The following KCNIP4 variants were observed in gnomAD, a reference collection of about 807,000 sequenced individuals.
The protein encoded by KCNIP4 is potassium voltage-gated channel interacting protein 4.
KCNIP4 carries 12 observed loss-of-function variants against 34.0 expected under a neutral mutation model. The ratio of observed to expected loss-of-function variants is 0.35; its 90% CI spans 0.23 to 0.57. The LOEUF (loss-of-function observed/expected upper bound fraction) is 0.57. Ranked by LOEUF, KCNIP4 falls within the 20% of genes least tolerant of loss-of-function variation. The pLI, the probability that KCNIP4 is intolerant of heterozygous loss-of-function variation, is 0.83. For synonymous variants in KCNIP4, 124 were observed against 102.2 expected, an observed-to-expected ratio of 1.21 and a Z score of -1.29; for missense variants, 238 against 311.7, an observed-to-expected ratio of 0.76 and a Z score of 1.78.
At chr4:21,603,380 AAAG>A (rs1322611872) in intron 1 of KCNIP4, among the ~76,000 whole-genome samples, 1 of 152,126 alleles carries the variant, frequency 6.6e-6, no homozygotes, top group Non-Finnish European at 1.5e-5. Context: ...GGAAGAGGAG[AAAG>A]AAGAAAGAAA....
At chr4:21,424,946 C>A (rs369230843) in intron 1 of KCNIP4, among the ~76,000 whole-genome samples, 34 of 152,240 alleles carry the variant, frequency 2.2e-4, no homozygotes, top group African/African-American at 8.2e-4. Flanking sequence ...TTCAATGATT[C>A]TTCATAAATT....
At chr4:20,914,642 T>A (rs1254480609) in intron 1 of KCNIP4, among the ~76,000 whole-genome samples, 3 of 152,232 alleles carry the variant, frequency 2.0e-5, no homozygotes, top group African/African-American at 7.2e-5. Context: ...TGTCTATCAC[T>A]ATAGGCACTT....
chr4:20,803,334 G>T (rs961392719), intron 3 of KCNIP4, among the ~76,000 whole-genome samples: 17 of 151,406 alleles, frequency 1.1e-4, no homozygotes, highest in Non-Finnish European at 2.5e-4. Context: ...AAATAGCCAC[G>T]TGCAGTGGCT....
chr4:21,300,714 A>G (rs1711574557), intron 1 of KCNIP4, among the ~76,000 whole-genome samples: 1 of 152,108 alleles, frequency 6.6e-6, no homozygotes, highest in African/African-American at 2.4e-5. Flanking sequence ...AGGTATGATG[A>G]ATTATCCTAC....
chr4:21,096,057 A>G (rs957407279), intron 1 of KCNIP4, among the ~76,000 whole-genome samples: 6 of 152,302 alleles, frequency 3.9e-5, no homozygotes, highest in Admixed American at 3.3e-4. Flanking sequence ...ACTAAAACCC[A>G]CAAACTATCT....
intron 1 of KCNIP4, among the ~76,000 whole-genome samples, chr4:21,939,208 C>A (rs1730057313): frequency 6.6e-6 from 1 of 152,126 alleles, no homozygotes; most frequent in South Asian, 2.1e-4. Flanking sequence ...ACTGTTTATT[C>A]TGAGAGGTGA....
chr4:21,537,751 C>T (rs192776626), intron 1 of KCNIP4, among the ~76,000 whole-genome samples: 22 of 152,128 alleles, frequency 1.4e-4, no homozygotes, highest in South Asian at 2.1e-4. Context: ...CAGTAGCTCA[C>T]GCCTGTAATC....
At chr4:20,996,790 G>T (rs1198999566) in intron 1 of KCNIP4, among the ~76,000 whole-genome samples, 7 of 151,800 alleles carry the variant, frequency 4.6e-5, no homozygotes, top group Admixed American at 2.6e-4. Context: ...CTCTTAGCAC[G>T]TTCATTTCCT....
At chr4:21,504,748 C>A (rs570964725) in intron 1 of KCNIP4, among the ~76,000 whole-genome samples, 1 of 152,150 alleles carries the variant, frequency 6.6e-6, no homozygotes, top group South Asian at 2.1e-4. Flanking sequence ...ATTTTAGATA[C>A]AAATTGATGT....
At chr4:21,313,185 A>T (rs1371107553) in intron 1 of KCNIP4, among the ~76,000 whole-genome samples, 3 of 152,204 alleles carry the variant, frequency 2.0e-5, no homozygotes, top group African/African-American at 7.2e-5. Context: ...TATTTATGTG[A>T]TCATTAAACC....
chr4:21,748,479 C>T lies in KCNIP4; in HGVS notation c.61+200092G>A, dbSNP rs140757963. On this transcript the variant is annotated intron_variant, in intron 1 of 8. Coordinates refer to ENST00000382152, the MANE Select transcript of KCNIP4 (RefSeq NM_025221.6). ...TAAATGCCAATTTTGCACTAAATATCTATTTAGGAAATATGAAAACAGACC... is the reference window on the plus strand; with the variant it reads ...TAAATGCCAATTTTGCACTAAATATTTATTTAGGAAATATGAAAACAGACC... 1.2e-3 allele frequency among the ~76,000 whole-genome samples: 189 copies of T among 152,240 alleles called. 1 individual carries two copies. The highest frequency in any genetic ancestry group is 4.3e-3 in the African/African-American group (179 of 41,544).
At chr4:20,755,226 A>G (rs1188527470) in intron 4 of KCNIP4, among the ~76,000 whole-genome samples, 3 of 152,146 alleles carry the variant, frequency 2.0e-5, no homozygotes, top group Non-Finnish European at 4.4e-5. Flanking sequence ...TTCTAATTTA[A>G]TTCTTTTAAA....
In KCNIP4 at chr4:21,234,449, T is replaced by C. The variant is rs1560199476; in HGVS notation, c.62-351740A>G. ...TATTACATATAACGTATATAATATA[T>C]ATTACATATAACGTATATAATATAT... On this transcript the variant is annotated intron_variant, in intron 1 of 8. Coordinates refer to ENST00000382152, the MANE Select transcript of KCNIP4 (RefSeq NM_025221.6). 2.2e-4 allele frequency among the ~76,000 whole-genome samples: 29 copies of C among 131,448 alleles called. 4 individuals carry two copies. Among genetic ancestry groups the C allele is most frequent in the African/African-American group, 2.7e-4 (9 of 32,938 alleles). The allele number at this position is 131,448 out of a possible 152,430, so 86.2% of individuals were successfully genotyped here. A position where few individuals can be genotyped will look rare whatever the true frequency, so the allele number is the denominator to read the frequency against.
chr4:21,343,114 C>T (rs1716923305), intron 1 of KCNIP4, among the ~76,000 whole-genome samples: 2 of 152,078 alleles, frequency 1.3e-5, no homozygotes, highest in Admixed American at 1.3e-4. Context: ...CCAATTATAG[C>T]AGTCTGCATT....
intron 1 of KCNIP4, among the ~76,000 whole-genome samples, chr4:21,905,316 G>A (rs1273984369): frequency 6.6e-6 from 1 of 152,116 alleles, no homozygotes; most frequent in African/African-American, 2.4e-5. Flanking sequence ...GCTGAGCAAT[G>A]GGAATAGCTC....
chr4:20,904,372 A>C (rs1727504024), intron 1 of KCNIP4, among the ~76,000 whole-genome samples: 1 of 149,724 alleles, frequency 6.7e-6, no homozygotes, highest in South Asian at 2.1e-4. Flanking sequence ...TATATATTTG[A>C]AACCCTAGGA....
At chr4:21,435,584 C>T (rs1445852690) in intron 1 of KCNIP4, among the ~76,000 whole-genome samples, 5 of 152,050 alleles carry the variant, frequency 3.3e-5, no homozygotes, top group Non-Finnish European at 7.4e-5. Flanking sequence ...TTTTAATGGG[C>T]AGAACACGGA....
At chr4:20,866,342 G>A (rs935669171) in intron 2 of KCNIP4, among the ~76,000 whole-genome samples, 4 of 152,060 alleles carry the variant, frequency 2.6e-5, no homozygotes, top group Admixed American at 2.6e-4. Context: ...GGGATGAAAG[G>A]TTGGTTCAAC....
chr4:21,322,552 G>T (rs763401141), intron 1 of KCNIP4, among the ~76,000 whole-genome samples: 2 of 151,972 alleles, frequency 1.3e-5, no homozygotes, highest in African/African-American at 4.8e-5. Context: ...TTAAAATAAG[G>T]ACATCTGGAA....
Sources: allele counts gnomAD v4.1 joint callset (sites outside exome capture counted in the v4.1 genomes callset), GRCh38; gene constraint gnomAD v4.1.1; transcripts MANE v1.5; gene names NCBI Gene and HGNC (gene_info 2026-07-23, HGNC 2026-07-21).